Variants in CDHR3 observed in about 807,000 individuals in gnomAD.
CDHR3 encodes the protein cadherin-related family member 3.
Under a neutral mutation model 86.6 loss-of-function variants are expected in CDHR3, and 79 were observed. The observed-to-expected ratio is 0.91, with a 90% CI of 0.76 to 1.10. CDHR3 has a LOEUF of 1.10. Among genes scored for constraint, CDHR3 ranks in the 50% least tolerant of loss-of-function variants. The pLI is 0.00. For synonymous variants in CDHR3, 421 were observed against 402.4 expected, an observed-to-expected ratio of 1.05 and a Z score of -0.55; for missense variants, 1,081 against 1,077.6, an observed-to-expected ratio of 1.00 and a Z score of -0.04.
At chr7:106,024,321 T>C in intron 14 of CDHR3, 60 bp from the exon 15 acceptor site, 3 of 1,441,556 alleles carry the variant, frequency 2.1e-6, no homozygotes, top group Non-Finnish European at 1.9e-6. Context: ...CACGAGAGAG[T>C]GCTGAATGTC....
chr7:106,021,024 G>C (rs186871275), intron 13 of CDHR3, among the ~76,000 whole-genome samples: 1 of 152,302 alleles, frequency 6.6e-6, no homozygotes, highest in African/African-American at 2.4e-5. Flanking sequence ...CTCTTTTCCT[G>C]AAAGCTGGTA....
At position 106,030,141 on chromosome 7, in the gene CDHR3, G is replaced by A. The variant is rs1409867466; in HGVS notation, c.2305-651G>A. On this transcript the variant is annotated intron_variant, in intron 17 of 18. Transcript: ENST00000317716. The surrounding 1 kb of genome is among the most constrained non-coding windows in gnomAD (Gnocchi z 4.8). ...CTGACTTTGGCACCTCTAGAGGGCA[G>A]CATGTGAGGGAAGGGGGTGTTTCTA... Among the ~76,000 whole-genome samples the A allele has an allele frequency of 2.0e-5, 3 of 152,236 alleles. No homozygotes were observed. The highest frequency in any genetic ancestry group is 4.4e-5 in the Non-Finnish European group (3 of 68,042).
intron 2 of CDHR3, among the ~76,000 whole-genome samples, chr7:105,979,040 A>C (rs1203990841): frequency 6.6e-6 from 1 of 152,208 alleles, no homozygotes; most frequent in Non-Finnish European, 1.5e-5. Flanking sequence ...GTTTTTGACT[A>C]CTTAATGATT....
At position 106,032,774 on chromosome 7, in the gene CDHR3, G is replaced by A; in HGVS notation, c.*77G>A. 7.0e-7 allele frequency: 1 copy of A among 1,425,528 alleles called. No individual in the cohort carries two copies. The highest frequency in any genetic ancestry group is 9.4e-7 in the Non-Finnish European group (1 of 1,064,386). The allele number at this position is 1,425,528 out of a possible 1,614,324, so 88.3% of individuals were successfully genotyped here. A position where few individuals can be genotyped will look rare whatever the true frequency, so the allele number is the denominator to read the frequency against. ...ATTCTATGGGGATGGTGTGGGCATG[G>A]TGTAGGGGGGAAAATGTGGGCTGAG... On this transcript the variant is annotated 3_prime_UTR_variant, in exon 19 of 19. Coordinates refer to ENST00000317716, the MANE Select transcript of CDHR3 (RefSeq NM_152750.5).
At chr7:106,008,135 T>G (rs1174400870) in intron 8 of CDHR3, among the ~76,000 whole-genome samples, 1 of 152,132 alleles carries the variant, frequency 6.6e-6, no homozygotes, top group Non-Finnish European at 1.5e-5. Flanking sequence ...TGATTCAATT[T>G]CCTCCTACTG....
At chr7:106,017,733 G>A in intron 11 of CDHR3, 113 bp from the exon 12 acceptor site, 1 of 777,168 alleles carries the variant, frequency 1.3e-6, no homozygotes, top group Non-Finnish European at 2.1e-6. Context: ...AGTTTGGACA[G>A]CAAGGAGGCC....
chr7:105,986,854 G>T lies in CDHR3; in HGVS notation c.513+2565G>T, dbSNP rs142848985. 8.5e-5 allele frequency among the ~76,000 whole-genome samples: 13 copies of T among 152,134 alleles called. No individual in the cohort carries two copies. The East Asian group carries it at 1.9e-3, about 23-fold the overall frequency. ...GGGAGAAAGTTGGGAGAAAGAGTGG[G>T]CTTCCTGCTTCTGAGAAGGTTTTCT... is the stretch of plus-strand genomic sequence containing the variant. On this transcript the variant is annotated intron_variant, in intron 4 of 18. Transcript: ENST00000317716.
rs188218059 is a variant in CDHR3, at chr7:105,967,130, G to T, written c.46+3766G>T. Among the ~76,000 whole-genome samples, 191 of 152,162 alleles carry T rather than the reference G, an allele frequency of 1.3e-3. 1 individual carries two copies. The highest frequency in any genetic ancestry group is 4.4e-3 in the African/African-American group (183 of 41,496). On this transcript the variant is annotated intron_variant, in intron 1 of 18. Coordinates refer to ENST00000317716, the MANE Select transcript of CDHR3 (RefSeq NM_152750.5). ...TCCCCTCACCCCATGACAGGCCCCAGTGTGTGATGTTCCCCTTCCTGTGTC... is the reference window on the plus strand; with the variant it reads ...TCCCCTCACCCCATGACAGGCCCCATTGTGTGATGTTCCCCTTCCTGTGTC...
intron 11 of CDHR3, among the ~76,000 whole-genome samples, chr7:106,017,295 G>A (rs1207161220): frequency 2.0e-5 from 3 of 152,060 alleles, no homozygotes; most frequent in Non-Finnish European, 4.4e-5. Context: ...GGTGGCTGAC[G>A]ACTATAATCC....
chr7:105,967,919 G>A (rs958832699), intron 1 of CDHR3, among the ~76,000 whole-genome samples: 1 of 152,188 alleles, frequency 6.6e-6, no homozygotes, highest in Non-Finnish European at 1.5e-5. Context: ...TGTTGACTCT[G>A]ATGGTAGTTT....
chr7:105,970,873 T>A (rs1012441806), intron 1 of CDHR3, among the ~76,000 whole-genome samples: 1 of 152,018 alleles, frequency 6.6e-6, no homozygotes, highest in Non-Finnish European at 1.5e-5. Context: ...GCTATCTTTT[T>A]AAAAAAATCA....
chr7:105,996,473 A>G (rs1832247731), intron 6 of CDHR3, 119 bp downstream of exon 6: 6 of 563,436 alleles, frequency 1.1e-5, no homozygotes, highest in Non-Finnish European at 1.9e-5. Flanking sequence ...GGCCTGCAGG[A>G]AAGATTAGAG....
Position 106,024,892 on chromosome 7 carries a change from G to C in CDHR3, c.2258+330G>C, listed in dbSNP as rs992292992. 2.0e-5 allele frequency among the ~76,000 whole-genome samples: 3 copies of C among 152,186 alleles called. No individual in the cohort carries two copies. The East Asian group carries it at 5.8e-4, about 29-fold the overall frequency. ...TCAGCAAAGCCCTGTTGTAAATAGC[G>C]ATAGAATATGCCGTGCTCTTATTTG... is the stretch of plus-strand genomic sequence containing the variant. On this transcript the variant is annotated intron_variant, in intron 15 of 18. Coordinates refer to ENST00000317716, the MANE Select transcript of CDHR3 (RefSeq NM_152750.5).
intron 15 of CDHR3, 122 bp from the exon 16 acceptor site, chr7:106,026,560 C>T: frequency 4.1e-6 from 4 of 979,214 alleles, no homozygotes; most frequent in Non-Finnish European, 3.3e-6. Context: ...TCCCTGGCAC[C>T]TCTTTCAGTC....
intron 4 of CDHR3, among the ~76,000 whole-genome samples, chr7:105,988,079 G>A (rs1023218603): frequency 1.3e-4 from 20 of 152,072 alleles, no homozygotes; most frequent in African/African-American, 4.6e-4. Flanking sequence ...TTTATAGATA[G>A]GGTTTCGCTA....
At chr7:106,015,626 A>G (rs1229025975) in intron 10 of CDHR3, among the ~76,000 whole-genome samples, 1 of 152,096 alleles carries the variant, frequency 6.6e-6, no homozygotes, top group Non-Finnish European at 1.5e-5. Context: ...ATTTTTGCAT[A>G]TGCCTACAAC....
At chr7:106,008,269 AAG>A (rs1359810171) in intron 8 of CDHR3, among the ~76,000 whole-genome samples, 1 of 152,112 alleles carries the variant, frequency 6.6e-6, no homozygotes, top group Non-Finnish European at 1.5e-5. Context: ...GAGTCCTGGA[AAG>A]AGAAGGAGAG....
chr7:106,031,728 A>ATCTTCCAGAGCAAAAGGC (rs1054391807), intron 18 of CDHR3, among the ~76,000 whole-genome samples: 15 of 152,092 alleles, frequency 9.9e-5, no homozygotes, highest in Admixed American at 9.8e-4. Flanking sequence ...CTTAAACCTG[A>ATCTTCCAGAGCAAAAGGC]TCTTCCAGAG....
chr7:105,978,146 A>G (rs1829108551), intron 2 of CDHR3, among the ~76,000 whole-genome samples: 1 of 152,174 alleles, frequency 6.6e-6, no homozygotes, highest in African/African-American at 2.4e-5. Context: ...TGCCCCAAGA[A>G]TTATTGTTCA....
Sources: allele counts gnomAD v4.1 joint callset (sites outside exome capture counted in the v4.1 genomes callset), GRCh38; gene constraint gnomAD v4.1.1; non-coding constraint Gnocchi (gnomAD v3.1); transcripts MANE v1.5; gene names NCBI Gene and HGNC (gene_info 2026-07-23, HGNC 2026-07-21).